SLC7A14: variants seen among roughly 807,000 people sequenced by gnomAD.
The protein encoded by SLC7A14 is solute carrier family 7 member 14.
A neutral mutation model predicts 60.2 loss-of-function variants in SLC7A14; 37 were observed. The observed-to-expected ratio is 0.61, with a 90% CI of 0.47 to 0.81. SLC7A14 has a LOEUF of 0.81. Among genes scored for constraint, SLC7A14 ranks in the 30% least tolerant of loss-of-function variants. SLC7A14 has a pLI of 0.00. For missense variants in SLC7A14, 886 were observed against 982.7 expected, an observed-to-expected ratio of 0.90 and a Z score of 1.32; for synonymous variants, 399 against 395.8, an observed-to-expected ratio of 1.01 and a Z score of -0.10.
chr3:170,510,387 C>CAAAAAAAAAAAA (rs200708263), intron 2 of SLC7A14, among the ~76,000 whole-genome samples: 3 of 99,096 alleles, frequency 3.0e-5, no homozygotes, highest in Non-Finnish European at 6.2e-5. Flanking sequence ...AAGACTCTGT[C>CAAAAAAAAAAAA]AAAAAAAAAA....
rs549038184 is a variant in SLC7A14, at chr3:170,548,063, A to G, written c.-152-20975T>C. Among the ~76,000 whole-genome samples the G allele has an allele frequency of 2.0e-5, 3 of 152,346 alleles. No individual in the cohort carries two copies. The East Asian group carries it at 5.8e-4, about 29-fold the overall frequency. On this transcript the variant is annotated intron_variant, in intron 1 of 7. Coordinates refer to ENST00000231706, the MANE Select transcript of SLC7A14 (RefSeq NM_020949.3). ...GATTGTGCCAGTTTCACCACTCTTC[A>G]GTAGAATATGTCTTTGCCCATTTCC...
chr3:170,557,652 G>A (rs776244915), intron 1 of SLC7A14, among the ~76,000 whole-genome samples: 2 of 152,134 alleles, frequency 1.3e-5, no homozygotes, highest in South Asian at 4.2e-4. Context: ...CCAGCTGTGC[G>A]ATCTTGTTAC....
chr3:170,507,792 A>G (rs772877686), intron 2 of SLC7A14, among the ~76,000 whole-genome samples: 1 of 152,212 alleles, frequency 6.6e-6, no homozygotes, highest in Non-Finnish European at 1.5e-5. Flanking sequence ...AGCCCAATAC[A>G]TAAATAGGTA....
chr3:170,498,153 C>G (rs1034714642), intron 4 of SLC7A14, among the ~76,000 whole-genome samples: 2 of 152,182 alleles, frequency 1.3e-5, no homozygotes, highest in African/African-American at 4.8e-5. Context: ...TTATGTTCTT[C>G]TTGATCTCTC....
At chr3:170,488,226 A>G (rs1712098273) in intron 4 of SLC7A14, among the ~76,000 whole-genome samples, 2 of 152,350 alleles carry the variant, frequency 1.3e-5, no homozygotes, top group South Asian at 2.1e-4. Flanking sequence ...AGAAAATTTA[A>G]AAACTCCTGG....
intron 1 of SLC7A14, among the ~76,000 whole-genome samples, chr3:170,567,360 A>G (rs1264800412): frequency 6.7e-6 from 1 of 149,916 alleles, no homozygotes; most frequent in Admixed American, 6.6e-5. Context: ...ATGGCTGCAT[A>G]GTATTCCATG....
chr3:170,498,831 C>T lies in SLC7A14; in HGVS notation c.595G>A (p.Val199Met), dbSNP rs375762552. The T allele has an allele frequency of 4.2e-5, 67 of 1,614,144 alleles. No homozygotes were observed. The highest frequency in any genetic ancestry group is 3.1e-4 in the South Asian group (28 of 91,074). The change falls in exon 4 of 8, where the codon GTG (valine) becomes ATG (methionine). Residue 199 changes from valine (V) to methionine (M), a missense_variant. Val to Met is a conservative substitution (Grantham distance 21). Transcript: ENST00000231706. Reference sequence around the variant, plus strand: ...ACCCCCAGAGCAACAATGATGGTCACGATGACCGCGATCAACAGAGCCAGA... The same window carrying T: ...ACCCCCAGAGCAACAATGATGGTCATGATGACCGCGATCAACAGAGCCAGA... ...DLLALLIAVI[V>M]TIIVALGVKN...
intron 4 of SLC7A14, among the ~76,000 whole-genome samples, chr3:170,488,923 G>A (rs1374251047): frequency 1.3e-5 from 2 of 151,978 alleles, no homozygotes; most frequent in Non-Finnish European, 2.9e-5. Context: ...TATATCTTAG[G>A]GAACTCATTC....
At chr3:170,488,928 T>A (rs1025390378) in intron 4 of SLC7A14, among the ~76,000 whole-genome samples, 5 of 152,166 alleles carry the variant, frequency 3.3e-5, no homozygotes. Flanking sequence ...CTTAGGGAAC[T>A]CATTCACCTT....
chr3:170,578,353 C>T (rs186599798), intron 1 of SLC7A14, among the ~76,000 whole-genome samples: 2 of 152,232 alleles, frequency 1.3e-5, no homozygotes, highest in Admixed American at 1.3e-4. Context: ...GACTGAAGTT[C>T]TATTCACCAT....
intron 7 of SLC7A14, among the ~76,000 whole-genome samples, chr3:170,474,101 A>G (rs746795628): frequency 9.9e-5 from 15 of 152,242 alleles, no homozygotes; most frequent in Non-Finnish European, 1.8e-4. Context: ...CCTGGACACT[A>G]GAATGAATAA....
rs772737626 is a variant in SLC7A14 at position 170,498,669 on chromosome 3, C to G, written c.757G>C (p.Gly253Arg). Reference protein sequence around the residue: ...EGQFLPHGWSGVLQGAATCFY... With the variant: ...EGQFLPHGWSRVLQGAATCFY... ...CCAGGTGTTTGGAACAAACTTACCC[C>G]TGACCAGCCGTGGGGCAAGAACTGG... Residue 253 changes from glycine to arginine, a missense_variant and splice_region_variant, in exon 4 of 8, where the codon GGG becomes CGG. Gly to Arg is a moderately radical substitution (Grantham distance 125, BLOSUM62 -2). Transcript: ENST00000231706. 6.2e-7 allele frequency: 1 copy of G among 1,614,072 alleles called. No individual in the cohort carries two copies. The highest frequency in any genetic ancestry group is 1.1e-5 in the South Asian group (1 of 91,062).
At chr3:170,533,415 G>T (rs552937296) in intron 1 of SLC7A14, among the ~76,000 whole-genome samples, 3 of 152,278 alleles carry the variant, frequency 2.0e-5, no homozygotes, top group African/African-American at 7.2e-5. Flanking sequence ...GAGTTAATCT[G>T]CTTATGGGAT....
intron 4 of SLC7A14, among the ~76,000 whole-genome samples, chr3:170,494,439 G>T (rs1218523099): frequency 2.0e-5 from 3 of 152,194 alleles, no homozygotes; most frequent in Non-Finnish European, 4.4e-5. Context: ...GATGAGGCAG[G>T]CTCCTGATTG....
At chr3:170,553,850 T>TTTC (rs5854377) in intron 1 of SLC7A14, among the ~76,000 whole-genome samples, 1 of 111,826 alleles carries the variant, frequency 8.9e-6, no homozygotes, top group Non-Finnish European at 2.1e-5. Context: ...TTAAAAAAAC[T>TTTC]TTTTTTTTTT....
intron 1 of SLC7A14, among the ~76,000 whole-genome samples, chr3:170,534,352 C>T (rs1025558308): frequency 2.0e-5 from 3 of 152,274 alleles, no homozygotes; most frequent in African/African-American, 7.2e-5. Flanking sequence ...TGGGAACTGG[C>T]AGTTCCACTG....
At chr3:170,529,031 C>T (rs1713595416) in intron 1 of SLC7A14, among the ~76,000 whole-genome samples, 1 of 152,220 alleles carries the variant, frequency 6.6e-6, no homozygotes, top group Non-Finnish European at 1.5e-5. Flanking sequence ...TAGTGGACGC[C>T]AAATCACACT....
chr3:170,529,171 A>T (rs551107773), intron 1 of SLC7A14, among the ~76,000 whole-genome samples: 1 of 152,338 alleles, frequency 6.6e-6, no homozygotes, highest in South Asian at 2.1e-4. Context: ...CACATGAGTA[A>T]ATAAGATACC....
intron 2 of SLC7A14, among the ~76,000 whole-genome samples, chr3:170,526,048 G>A (rs1046661091): frequency 2.6e-5 from 4 of 151,740 alleles, no homozygotes; most frequent in African/African-American, 9.7e-5. Flanking sequence ...TTGCACTCCA[G>A]TCTGGGCGAC....
Sources: gnomAD v4.1 joint callset for allele counts (sites outside exome capture counted in the v4.1 genomes callset) on GRCh38, gnomAD v4.1.1 for gene constraint, MANE v1.5 for transcripts, NCBI Gene and HGNC (gene_info 2026-07-23, HGNC 2026-07-21) for gene names.